CACNA1A: variants seen among roughly 807,000 people sequenced by gnomAD.
CACNA1A encodes the protein voltage-dependent P/Q-type calcium channel subunit alpha-1A.
CACNA1A carries 57 observed loss-of-function variants against 262.4 expected under a neutral mutation model. The ratio of observed to expected loss-of-function variants is 0.22; its 90% CI spans 0.18 to 0.27. CACNA1A has a LOEUF of 0.27. Among genes scored for constraint, CACNA1A ranks in the 10% least tolerant of loss-of-function variants. The pLI is 1.00. For synonymous variants in CACNA1A, 1,431 were observed against 1,419.3 expected (o/e 1.01, Z -0.18); for missense variants, 2,526 against 3,562.8 (o/e 0.71, Z 7.41).
At chr19:13,305,628 C>G (rs1474276077) in intron 15 of CACNA1A, among the ~76,000 whole-genome samples, 1 of 152,214 alleles carries the variant, frequency 6.6e-6, no homozygotes, top group African/African-American at 2.4e-5. Flanking sequence ...CTCCACCCAC[C>G]AGATGCCAGT....
chr19:13,354,707 A>G (rs1039582056), intron 6 of CACNA1A, among the ~76,000 whole-genome samples: 1 of 152,182 alleles, frequency 6.6e-6, no homozygotes, highest in African/African-American at 2.4e-5. Context: ...ACCCCCTGGT[A>G]CCTCAGAATG....
chr19:13,285,189 G>C lies in CACNA1A; in HGVS notation c.3571C>G (p.Pro1191Ala). The C allele has an allele frequency of 1.2e-6, 2 of 1,613,860 alleles. No individual in the cohort carries two copies. Among genetic ancestry groups the C allele is most frequent in the Non-Finnish European group, 1.7e-6 (2 of 1,179,860 alleles). Reference protein sequence around the residue: ...TVVQVNKNANPDPLPKKEEEK... With the variant: ...TVVQVNKNANADPLPKKEEEK... ...TCCTCTTTTTTTGGCAGTGGGTCTGGGTTGGCGTTTTTGTTCACTGTTGGG... is the reference window on the plus strand; with the variant it reads ...TCCTCTTTTTTTGGCAGTGGGTCTGCGTTGGCGTTTTTGTTCACTGTTGGG... The change falls in exon 21 of 47, where the codon CCA (proline) becomes GCA (alanine). Residue 1191 changes from proline (P) to alanine (A), a missense_variant. Physicochemically the swap from Pro to Ala is conservative, Grantham distance 27 (BLOSUM62 -1). Around this residue, in one of 17 missense-constraint regions of CACNA1A, gnomAD observed 765 missense variants for 748.6 expected, o/e 1.02. Coordinates refer to ENST00000360228, the MANE Select transcript of CACNA1A (RefSeq NM_001127222.2).
chr19:13,323,788 T>C (rs1325186005), intron 10 of CACNA1A, among the ~76,000 whole-genome samples: 2 of 152,210 alleles, frequency 1.3e-5, no homozygotes, highest in African/African-American at 2.4e-5. Context: ...ATCCCATTTG[T>C]CCATTTTGGC....
At chr19:13,446,428 C>T (rs967509159) in intron 3 of CACNA1A, among the ~76,000 whole-genome samples, 30 of 145,660 alleles carry the variant, frequency 2.1e-4, no homozygotes, top group African/African-American at 6.7e-4. Context: ...TGTGTGCGCG[C>T]GTGTTTTTTC....
intron 3 of CACNA1A, among the ~76,000 whole-genome samples, chr19:13,448,875 T>C (rs900494185): frequency 3.9e-5 from 6 of 152,238 alleles, no homozygotes; most frequent in African/African-American, 1.4e-4. Context: ...TATCTCATGT[T>C]GAACACAAAA....
intron 3 of CACNA1A, among the ~76,000 whole-genome samples, chr19:13,392,936 C>T (rs910071167): frequency 3.9e-5 from 6 of 152,122 alleles, no homozygotes; most frequent in African/African-American, 7.2e-5. Context: ...TTTGCGGAGA[C>T]GGGGTTTTGC....
rs11879988 is a variant in CACNA1A at position 13,306,113 on chromosome 19, G to A, written c.1986+1669C>T. Among the ~76,000 whole-genome samples, 1,440 of 151,480 alleles carry A rather than the reference G, an allele frequency of 9.5e-3. 25 individuals are homozygous for A. The highest frequency in any genetic ancestry group is 0.033 in the African/African-American group (1,355 of 41,266). On this transcript the variant is annotated intron_variant, in intron 15 of 46. Transcript: ENST00000360228. ...GGGCTCAGAACTTCCCTTCATGGAA[G>A]GTTTCCTCTTCAACTCCCTGTCTTG...
intron 1 of CACNA1A, among the ~76,000 whole-genome samples, chr19:13,504,613 T>C (rs1052649147): frequency 3.9e-5 from 6 of 152,028 alleles, no homozygotes; most frequent in African/African-American, 1.5e-4. Flanking sequence ...ACAAAAGGGA[T>C]AGGGGACTCA....
rs754979047 is a variant in CACNA1A at position 13,298,806 on chromosome 19, G to A, written c.2827C>T (p.Arg943Cys). ...VHRQGGSRES[R>C]SGSPRTGADG... is the part of the protein sequence containing the mutation. The stretch of plus-strand genomic sequence containing the variant: ...GCGCCCGTGCGCGGGGACCCGCTGC[G>A]GCTCTCCCTGCTGCCCCCCTGCCGG... Residue 943 changes from arginine (R) to cysteine (C), a missense_variant, in exon 19 of 47, where the codon CGC (arginine) becomes TGC (cysteine). Arg to Cys is a radical substitution (Grantham distance 180). Around this residue, in one of 17 missense-constraint regions of CACNA1A, gnomAD observed 765 missense variants for 748.6 expected, o/e 1.02. Transcript: ENST00000360228. The A allele has an allele frequency of 6.4e-6, 10 of 1,560,284 alleles. No homozygotes were observed. Among genetic ancestry groups the A allele is most frequent in the Admixed American group, 1.8e-5 (1 of 55,660 alleles).
At chr19:13,469,948 C>T (rs1484249248) in intron 1 of CACNA1A, among the ~76,000 whole-genome samples, 1 of 152,064 alleles carries the variant, frequency 6.6e-6, no homozygotes, top group East Asian at 1.9e-4. Context: ...AAAAATCCAT[C>T]CCTGCATGAA....
rs538442589 is a variant in CACNA1A at position 13,227,990 on chromosome 19, T to C, written c.5529-463A>G. ...GTGCAGTGGTGTGATCATAGCTCAC[T>C]GCAGCCTCCACCTCCTGGGCTCAAG... On this transcript the variant is annotated intron_variant, in intron 36 of 46. Transcript: ENST00000360228. Among the ~76,000 whole-genome samples, 8 of 143,804 alleles carry C rather than the reference T, an allele frequency of 5.6e-5. No individual in the cohort carries two copies. The South Asian group carries it at 1.7e-3, about 30-fold the overall frequency. 94.3% of individuals were successfully genotyped at this position (143,804 alleles called of 152,430 possible).
intron 21 of CACNA1A, chr19:13,284,487 C>T (rs954876248): frequency 1.3e-5 from 2 of 152,226 alleles, no homozygotes; most frequent in Non-Finnish European, 2.9e-5. Flanking sequence ...AGAAATATCC[C>T]TGGGAGACAT....
At chr19:13,320,760 G>C (rs746807751) in intron 10 of CACNA1A, among the ~76,000 whole-genome samples, 25 of 151,932 alleles carry the variant, frequency 1.6e-4, no homozygotes, top group Non-Finnish European at 1.0e-4. Flanking sequence ...TTTCTCTGTG[G>C]TCTGGAATTA....
intron 6 of CACNA1A, among the ~76,000 whole-genome samples, chr19:13,344,127 T>A (rs2058721080): frequency 1.3e-5 from 2 of 150,526 alleles, no homozygotes; most frequent in South Asian, 2.1e-4. Flanking sequence ...AGTGGGAGGT[T>A]CACTTGAGCC....
chr19:13,412,398 T>C (rs1023592147), intron 3 of CACNA1A, among the ~76,000 whole-genome samples: 2 of 151,928 alleles, frequency 1.3e-5, no homozygotes, highest in African/African-American at 4.8e-5. Context: ...GGTGATAATA[T>C]AAGATACAAA....
At chr19:13,351,214 A>G (rs1374376600) in intron 6 of CACNA1A, among the ~76,000 whole-genome samples, 1 of 152,218 alleles carries the variant, frequency 6.6e-6, no homozygotes, top group Admixed American at 6.5e-5. Context: ...AGGGGAGATT[A>G]GTCTCCACCT....
At chr19:13,287,015 A>T (rs1439991194) in intron 19 of CACNA1A, 49 bp from the exon 20 acceptor site, 2 of 1,415,554 alleles carry the variant, frequency 1.4e-6, no homozygotes, top group Admixed American at 4.3e-5. Context: ...ATTTAGGATA[A>T]AAGGCAACAG....
At chr19:13,352,483 C>G (rs1206217554) in intron 6 of CACNA1A, among the ~76,000 whole-genome samples, 2 of 151,736 alleles carry the variant, frequency 1.3e-5, no homozygotes, top group Non-Finnish European at 2.9e-5. Context: ...TATCAAGATT[C>G]CCAAATCCCA....
chr19:13,407,735 A>G (rs947889588), intron 3 of CACNA1A, among the ~76,000 whole-genome samples: 2 of 152,190 alleles, frequency 1.3e-5, no homozygotes, highest in Non-Finnish European at 2.9e-5. Context: ...TCACGTCTGT[A>G]ATCCTAGCAC....
Sources: allele counts gnomAD v4.1 joint callset (sites outside exome capture counted in the v4.1 genomes callset), GRCh38; gene constraint gnomAD v4.1.1; regional missense constraint gnomAD v4.1.1; transcripts MANE v1.5; gene names NCBI Gene and HGNC (gene_info 2026-07-23, HGNC 2026-07-21).